CACNA2D4: variants seen among roughly 807,000 people sequenced by gnomAD.
CACNA2D4 encodes voltage-dependent calcium channel subunit alpha-2/delta-4.
In CACNA2D4, 157 loss-of-function variants were observed where a neutral mutation model predicts 163.8. That is an observed-to-expected ratio of 0.96 (90% CI 0.84 to 1.09). The LOEUF is 1.09. CACNA2D4 is among the 50% of genes least tolerant of loss of function. CACNA2D4 has a pLI of 0.00. For missense variants in CACNA2D4, 1,410 were observed against 1,479.9 expected (o/e 0.95, Z 0.78); for synonymous variants, 598 against 586.9 (o/e 1.02, Z -0.27).
At chr12:1,827,091 A>C (rs1864363285) in intron 26 of CACNA2D4, among the ~76,000 whole-genome samples, 1 of 152,164 alleles carries the variant, frequency 6.6e-6, no homozygotes, top group African/African-American at 2.4e-5. Context: ...GAGCCCGTGG[A>C]GGGCGAAGGA....
chr12:1,877,878 T>C (rs7297190), intron 16 of CACNA2D4, among the ~76,000 whole-genome samples: 32,943 of 152,150 alleles, frequency 0.22, 5,989 homozygotes, highest in African/African-American at 0.5. Context: ...CCAGCCTCTG[T>C]GTCACAGTGA....
chr12:1,864,126 G>A (rs1865588012), intron 18 of CACNA2D4, among the ~76,000 whole-genome samples: 1 of 152,216 alleles, frequency 6.6e-6, no homozygotes, highest in Non-Finnish European at 1.5e-5. Flanking sequence ...TTCTGTCTTA[G>A]GATTTTCCCT....
At chr12:1,890,792 G>A (rs943854888) in intron 6 of CACNA2D4, among the ~76,000 whole-genome samples, 4 of 152,096 alleles carry the variant, frequency 2.6e-5, no homozygotes, top group African/African-American at 9.7e-5. Flanking sequence ...TCCTGTCTGG[G>A]GCCTGGGAAC....
intron 18 of CACNA2D4, among the ~76,000 whole-genome samples, chr12:1,865,427 G>A (rs1314037239): frequency 1.3e-5 from 2 of 152,240 alleles, no homozygotes; most frequent in Non-Finnish European, 2.9e-5. Context: ...GAAGGTCAGT[G>A]TCTGTCTTCC....
chr12:1,848,106 T>C (rs992666734), intron 23 of CACNA2D4, among the ~76,000 whole-genome samples: 4 of 152,234 alleles, frequency 2.6e-5, no homozygotes, highest in African/African-American at 9.6e-5. Flanking sequence ...CAATAGTTTT[T>C]CATGTATTCA....
chr12:1,847,950 G>A (rs924982600), intron 23 of CACNA2D4, among the ~76,000 whole-genome samples: 34 of 152,218 alleles, frequency 2.2e-4, no homozygotes, highest in African/African-American at 4.6e-4. Flanking sequence ...GTCGCCTCGC[G>A]AATTTTTTTA....
chr12:1,913,174 G>T, intron 2 of CACNA2D4, 35 bp from the exon 3 acceptor site: 1 of 1,443,996 alleles, frequency 6.9e-7, no homozygotes. Context: ...GCGTGCATGT[G>T]GTTTTGTACC....
chr12:1,809,939 G>A (rs1216745917), intron 29 of CACNA2D4, among the ~76,000 whole-genome samples: 4 of 152,204 alleles, frequency 2.6e-5, no homozygotes, highest in Non-Finnish European at 4.4e-5. Flanking sequence ...TTGTGGGGAG[G>A]CCCCGAGTGA....
chr12:1,853,725 T>C (rs146860622), intron 23 of CACNA2D4, among the ~76,000 whole-genome samples: 2 of 152,300 alleles, frequency 1.3e-5, no homozygotes, highest in African/African-American at 4.8e-5. Context: ...ATTTTGGCCA[T>C]TGAAGTCTCA....
rs775985308 is a variant in CACNA2D4 at position 1,793,683 on chromosome 12, C to G, written c.3386G>C (p.Trp1129Ser). ...PPLLLLPVCA[W>S]GLLPQLLR ...CCGCAGGAGTTGGGGCAGTAGCCCC[C>G]AGGCACACACAGGCAGCAGGAGTAG... The change falls in exon 38 of 38, where the codon TGG becomes TCG. Residue 1129 changes from tryptophan (W) to serine (S), a missense_variant. Transcript: ENST00000382722. The G allele has an allele frequency of 6.2e-7, 1 of 1,613,838 alleles. No individual in the cohort carries two copies. Among genetic ancestry groups the G allele is most frequent in the Non-Finnish European group, 8.5e-7 (1 of 1,179,892 alleles).
intron 6 of CACNA2D4, among the ~76,000 whole-genome samples, chr12:1,901,795 T>C (rs1866543630): frequency 1.3e-5 from 2 of 152,106 alleles, no homozygotes; most frequent in Non-Finnish European, 2.9e-5. Flanking sequence ...ATACCAATCC[T>C]ACTCAAACTA....
chr12:1,834,965 G>T lies in CACNA2D4; in HGVS notation c.2551+5774C>A. The T allele has an allele frequency of 3.0e-6, 2 of 674,646 alleles. No homozygotes were observed. Among genetic ancestry groups the T allele is most frequent in the Non-Finnish European group, 4.7e-6 (2 of 422,394 alleles). 41.8% of individuals were successfully genotyped at this position (674,646 alleles called of 1,614,324 possible). A position where few individuals can be genotyped will look rare whatever the true frequency, so the allele number is the denominator to read the frequency against. ...CAGTAAATCTTTGGAACATGTGGGG[G>T]ATCTCCCTAAGCTCTGGCCACAGCA... On this transcript the variant is annotated intron_variant, in intron 26 of 37. Coordinates refer to ENST00000382722, the MANE Select transcript of CACNA2D4 (RefSeq NM_172364.5). The surrounding 1 kb of genome is among the most constrained non-coding windows in gnomAD (Gnocchi z 7.6).
At chr12:1,863,365 G>C (rs904309873) in intron 18 of CACNA2D4, among the ~76,000 whole-genome samples, 1 of 152,180 alleles carries the variant, frequency 6.6e-6, no homozygotes, top group Non-Finnish European at 1.5e-5. Context: ...ACTGTGAATT[G>C]TCCAAATTTG....
intron 6 of CACNA2D4, among the ~76,000 whole-genome samples, chr12:1,895,143 AC>A (rs1866372716): frequency 6.6e-6 from 1 of 152,158 alleles, no homozygotes; most frequent in African/African-American, 2.4e-5. Context: ...TACAGTAACT[AC>A]CAAAAAAGTA....
chr12:1,900,350 G>T (rs1866507798), intron 6 of CACNA2D4, among the ~76,000 whole-genome samples: 1 of 152,126 alleles, frequency 6.6e-6, no homozygotes, highest in African/African-American at 2.4e-5. Context: ...ACCCAGGCTG[G>T]TCTTGAATTC....
chr12:1,811,028 G>C (rs1863688758), intron 27 of CACNA2D4, among the ~76,000 whole-genome samples: 1 of 152,224 alleles, frequency 6.6e-6, no homozygotes, highest in South Asian at 2.1e-4. Flanking sequence ...TCCTGCACTG[G>C]CTGTCTGGTT....
At chr12:1,814,563 C>G (rs1333219615) in intron 26 of CACNA2D4, among the ~76,000 whole-genome samples, 1 of 152,212 alleles carries the variant, frequency 6.6e-6, no homozygotes. Flanking sequence ...CGTGTTCTCC[C>G]CCAGACCTGA....
chr12:1,885,529 AG>A (rs771120830), intron 9 of CACNA2D4, among the ~76,000 whole-genome samples: 6 of 152,178 alleles, frequency 3.9e-5, no homozygotes, highest in African/African-American at 1.2e-4. Context: ...GATGTGCAAA[AG>A]CTCTCTTTAA....
intron 16 of CACNA2D4, among the ~76,000 whole-genome samples, chr12:1,876,321 T>C (rs1865879345): frequency 6.6e-6 from 1 of 152,228 alleles, no homozygotes; most frequent in African/African-American, 2.4e-5. Context: ...AGACCTCCCT[T>C]CAACTTGACA....
Sources: gnomAD v4.1 joint callset for allele counts (sites outside exome capture counted in the v4.1 genomes callset) on GRCh38, gnomAD v4.1.1 for gene constraint, Gnocchi (gnomAD v3.1) non-coding constraint, MANE v1.5 for transcripts, NCBI Gene and HGNC (gene_info 2026-07-23, HGNC 2026-07-21) for gene names.